Variants in EGFLAM observed in about 807,000 individuals in gnomAD.
EGFLAM encodes the protein pikachurin.
In EGFLAM, 79 loss-of-function variants were observed where a neutral mutation model predicts 113.1. That is an observed-to-expected ratio of 0.70 (90% confidence interval 0.58 to 0.84). The LOEUF (loss-of-function observed/expected upper bound fraction) is 0.84, where lower values mean the gene tolerates loss of function less well. Among genes scored for constraint, EGFLAM ranks in the 40% least tolerant of loss-of-function variants. The pLI is 0.00. For synonymous variants in EGFLAM, 504 were observed against 487.6 expected (o/e 1.03, Z -0.44); for missense variants, 1,265 against 1,291.6 (o/e 0.98, Z 0.32).
chr5:38,389,613 C>G (rs952359466), intron 6 of EGFLAM, among the ~76,000 whole-genome samples: 1 of 152,114 alleles, frequency 6.6e-6, no homozygotes, highest in Non-Finnish European at 1.5e-5. Context: ...AAACATTAGT[C>G]CTTCCAAACT....
chr5:38,260,161 C>T (rs1320899925), intron 1 of EGFLAM, among the ~76,000 whole-genome samples: 1 of 152,192 alleles, frequency 6.6e-6, no homozygotes, highest in South Asian at 2.1e-4. Flanking sequence ...TCTCTTCCTG[C>T]ACGCACACAT....
chr5:38,372,565 A>G (rs1579834337), intron 6 of EGFLAM, among the ~76,000 whole-genome samples: 2 of 152,232 alleles, frequency 1.3e-5, no homozygotes, highest in African/African-American at 4.8e-5. Context: ...GATAAGTTAT[A>G]TGAAAGTGTT....
At chr5:38,336,321 C>T (rs559744950) in intron 1 of EGFLAM, among the ~76,000 whole-genome samples, 3 of 152,102 alleles carry the variant, frequency 2.0e-5, no homozygotes, top group Non-Finnish European at 4.4e-5. Context: ...CGCCTGTAAT[C>T]CCAGCACTTT....
At chr5:38,366,226 T>A (rs979219009) in intron 5 of EGFLAM, among the ~76,000 whole-genome samples, 2 of 152,190 alleles carry the variant, frequency 1.3e-5, no homozygotes, top group Admixed American at 6.5e-5. Flanking sequence ...GAGAACCATG[T>A]CTTCCTAGGA....
At chr5:38,395,655 T>G (rs563339439) in intron 6 of EGFLAM, among the ~76,000 whole-genome samples, 2 of 152,260 alleles carry the variant, frequency 1.3e-5, no homozygotes, top group South Asian at 4.1e-4. Flanking sequence ...ACTCAGGTGC[T>G]CACATCTTAG....
rs138949633 is a variant in EGFLAM at position 38,464,063 on chromosome 5, A to C, written c.*77A>C. On this transcript the variant is annotated 3_prime_UTR_variant, in exon 22 of 22. Transcript: ENST00000322350. Reference sequence around the variant, plus strand: ...GGGCCCTCAGACCCTGCCTGATGCTATATGCAGAGGCCCAGGGACCAGGTG... The same window carrying C: ...GGGCCCTCAGACCCTGCCTGATGCTCTATGCAGAGGCCCAGGGACCAGGTG... 3,260 of 1,575,734 alleles carry C rather than the reference A, an allele frequency of 2.1e-3. 9 individuals are homozygous for C. Among genetic ancestry groups the C allele is most frequent in the Non-Finnish European group, 2.5e-3 (2,925 of 1,153,310 alleles).
intron 1 of EGFLAM, among the ~76,000 whole-genome samples, chr5:38,272,000 A>G (rs776152714): frequency 3.9e-5 from 6 of 152,210 alleles, no homozygotes; most frequent in African/African-American, 9.6e-5. Context: ...TGTCACTTCC[A>G]TGTGCCAACA....
At chr5:38,397,529 G>A in intron 6 of EGFLAM, among the ~76,000 whole-genome samples, 1 of 152,154 alleles carries the variant, frequency 6.6e-6, no homozygotes, top group Admixed American at 6.5e-5. Context: ...CAGGGCTCAA[G>A]CAATCTTCCC....
At chr5:38,287,771 G>T (rs1039541103) in intron 1 of EGFLAM, among the ~76,000 whole-genome samples, 37 of 152,204 alleles carry the variant, frequency 2.4e-4, no homozygotes, top group Non-Finnish European at 8.8e-5. Context: ...CATGTTCTAA[G>T]CTGAGATGTG....
intron 15 of EGFLAM, among the ~76,000 whole-genome samples, chr5:38,433,698 C>T (rs538884500): frequency 6.6e-6 from 1 of 152,334 alleles, no homozygotes; most frequent in East Asian, 1.9e-4. Context: ...CTCCTTTCCT[C>T]TTTCCATCTT....
At chr5:38,336,495 A>T (rs1294530679) in intron 1 of EGFLAM, among the ~76,000 whole-genome samples, 1 of 151,644 alleles carries the variant, frequency 6.6e-6, no homozygotes, top group Non-Finnish European at 1.5e-5. Flanking sequence ...AATGGCGTGA[A>T]CCCGGGAGGC....
At chr5:38,451,741 A>G (rs1742920853) in intron 19 of EGFLAM, 4 of 333,326 alleles carry the variant, frequency 1.2e-5, no homozygotes, top group Non-Finnish European at 1.6e-5. Flanking sequence ...CTGTAATCCT[A>G]GCACTTCGGG....
At chr5:38,362,433 CA>C (rs1325017494) in intron 5 of EGFLAM, among the ~76,000 whole-genome samples, 1 of 152,012 alleles carries the variant, frequency 6.6e-6, no homozygotes, top group Non-Finnish European at 1.5e-5. Context: ...TGCTAGCCCC[CA>C]AAAGTTAGAA....
intron 16 of EGFLAM, among the ~76,000 whole-genome samples, chr5:38,435,806 CTTTTTTTT>C (rs60461690): frequency 9.0e-4 from 80 of 88,920 alleles, no homozygotes; most frequent in African/African-American, 3.7e-3. Context: ...CCGGCTCTCT[CTTTTTTTT>C]TTTTTTTTTT....
At chr5:38,365,103 T>C (rs940036478) in intron 5 of EGFLAM, among the ~76,000 whole-genome samples, 2 of 152,190 alleles carry the variant, frequency 1.3e-5, no homozygotes, top group Non-Finnish European at 2.9e-5. Context: ...CTCTCAAAAG[T>C]ATTTTCCTAG....
At chr5:38,336,701 G>A (rs1461772915) in intron 1 of EGFLAM, among the ~76,000 whole-genome samples, 3 of 151,782 alleles carry the variant, frequency 2.0e-5, no homozygotes, top group Non-Finnish European at 2.9e-5. Flanking sequence ...ACGCTCAAGG[G>A]AACTGCCCAT....
intron 1 of EGFLAM, among the ~76,000 whole-genome samples, chr5:38,276,409 A>G (rs992980561): frequency 2.6e-5 from 4 of 152,232 alleles, no homozygotes; most frequent in East Asian, 3.8e-4. Context: ...ATCAAAGCCT[A>G]TATGATAAAG....
At chr5:38,401,763 A>G (rs1274639916) in intron 6 of EGFLAM, 1 of 152,230 alleles carries the variant, frequency 6.6e-6, no homozygotes, top group Non-Finnish European at 1.5e-5. Context: ...AAGGATTTAC[A>G]ATCGAGTTGG....
At chr5:38,342,619 TCTTAAAATAATAC>T (rs1739364894) in intron 3 of EGFLAM, among the ~76,000 whole-genome samples, 1 of 152,208 alleles carries the variant, frequency 6.6e-6, no homozygotes, top group Non-Finnish European at 1.5e-5. Context: ...CTTATCTTTT[TCTTAAAATAATAC>T]CCTCCAGATT....
Sources: allele counts gnomAD v4.1 joint callset (sites outside exome capture counted in the v4.1 genomes callset), GRCh38; gene constraint gnomAD v4.1.1; transcripts MANE v1.5; gene names NCBI Gene and HGNC (gene_info 2026-07-23, HGNC 2026-07-21).